RNF38: variants seen among roughly 807,000 people sequenced by gnomAD.
RNF38 encodes the protein ring finger protein 38.
RNF38 carries 15 observed loss-of-function variants against 67.2 expected under a neutral mutation model. The observed-to-expected ratio is 0.22, with a 90% CI of 0.15 to 0.34. The LOEUF is 0.34. Among genes scored for constraint, RNF38 ranks in the 10% least tolerant of loss-of-function variants. RNF38 has a pLI of 1.00. For synonymous variants in RNF38, 220 were observed against 218.8 expected (o/e 1.01, Z -0.05); for missense variants, 524 against 639.9 (o/e 0.82, Z 1.95).
intron 2 of RNF38, among the ~76,000 whole-genome samples, chr9:36,423,602 A>T (rs1838682492): frequency 1.3e-5 from 2 of 152,228 alleles, no homozygotes; most frequent in African/African-American, 4.8e-5. Context: ...CCAAACGCCC[A>T]GCTCACAGAA....
At chr9:36,477,329 A>G (rs1374294730) in intron 1 of RNF38, among the ~76,000 whole-genome samples, 1 of 151,568 alleles carries the variant, frequency 6.6e-6, no homozygotes, top group Non-Finnish European at 1.5e-5. Context: ...CTGGAAAAAA[A>G]AAAAAAAAGA....
chr9:36,386,751 G>A (rs1836668679), intron 2 of RNF38, among the ~76,000 whole-genome samples: 1 of 152,146 alleles, frequency 6.6e-6, no homozygotes, highest in South Asian at 2.1e-4. Flanking sequence ...ACTCCCACCA[G>A]CACCATGACA....
chr9:36,352,981 A>G, intron 7 of RNF38, 133 bp from the exon 8 acceptor site: 1 of 809,346 alleles, frequency 1.2e-6, no homozygotes, highest in Non-Finnish European at 2.0e-6. Flanking sequence ...TTCCTTAAAT[A>G]CTAACTTATT....
At chr9:36,414,268 A>G (rs907009984) in intron 2 of RNF38, among the ~76,000 whole-genome samples, 11 of 152,140 alleles carry the variant, frequency 7.2e-5, no homozygotes, top group African/African-American at 2.4e-4. Flanking sequence ...GTTAGCTACT[A>G]TTCTATTCAT....
chr9:36,484,879 T>C (rs1840367254), intron 1 of RNF38, among the ~76,000 whole-genome samples: 3 of 152,058 alleles, frequency 2.0e-5, no homozygotes, highest in South Asian at 2.1e-4. Flanking sequence ...TAAAAATGTA[T>C]GTATTGGCCG....
chr9:36,404,682 CTAA>C (rs1020843930), upstream of RNF38, among the ~76,000 whole-genome samples: 1 of 152,128 alleles, frequency 6.6e-6, no homozygotes, highest in Non-Finnish European at 1.5e-5. Context: ...ATTATTAATT[CTAA>C]TAGTTTATCT....
At chr9:36,487,620 TG>T, upstream of RNF38, 2 of 967,624 alleles carry the variant, frequency 2.1e-6, no homozygotes, top group Non-Finnish European at 2.4e-6. Flanking sequence ...AGGCGCTGGC[TG>T]GGCCCCGGCC....
At chr9:36,450,604 T>C (rs1316962159) in intron 1 of RNF38, among the ~76,000 whole-genome samples, 2 of 152,188 alleles carry the variant, frequency 1.3e-5, no homozygotes, top group Non-Finnish European at 2.9e-5. Context: ...ATCATCACTA[T>C]ACCTATTCAA....
At chr9:36,431,502 A>C (rs1306179796) in intron 1 of RNF38, among the ~76,000 whole-genome samples, 8 of 152,254 alleles carry the variant, frequency 5.3e-5, no homozygotes, top group Admixed American at 5.2e-4. Flanking sequence ...ATGTGGCACA[A>C]GACTGCACTT....
At chr9:36,420,624 C>T (rs1433841369) in intron 2 of RNF38, among the ~76,000 whole-genome samples, 1 of 150,764 alleles carries the variant, frequency 6.6e-6, no homozygotes, top group Non-Finnish European at 1.5e-5. Flanking sequence ...AATCAGTTAA[C>T]AATATCTTTA....
chr9:36,385,624 C>A (rs1187813991), intron 2 of RNF38, among the ~76,000 whole-genome samples: 1 of 152,092 alleles, frequency 6.6e-6, no homozygotes, highest in Non-Finnish European at 1.5e-5. Flanking sequence ...GGTGATCCAC[C>A]CGCCTCAGCC....
At chr9:36,372,400 CCCTGTTTATTCACAGTT>C in intron 3 of RNF38, 1 of 582,540 alleles carries the variant, frequency 1.7e-6, no homozygotes, top group Non-Finnish European at 3.1e-6. Flanking sequence ...AGTTTAATGG[CCCTGTTTATTCACAGTT>C]CTTTGTTTTA....
rs1377841002 is a variant in RNF38 at position 36,337,704 on chromosome 9, T to C, written c.*2048A>G. ...ATGTGATTTGTATGTAGCTGATTAT[T>C]ATGCCAAGAATTTTGGTCTTTAACA... is the stretch of plus-strand genomic sequence containing the variant. On this transcript the variant is annotated 3_prime_UTR_variant, in exon 12 of 12. Coordinates refer to ENST00000259605, the MANE Select transcript of RNF38 (RefSeq NM_022781.5). 2 of 152,638 alleles carry C rather than the reference T, an allele frequency of 1.3e-5. No individual in the cohort carries two copies. The highest frequency in any genetic ancestry group is 4.8e-5 in the African/African-American group (2 of 41,452). 9.5% of individuals were successfully genotyped at this position (152,638 alleles called of 1,614,324 possible). A position where few individuals can be genotyped will look rare whatever the true frequency, so the allele number is the denominator to read the frequency against.
At chr9:36,428,467 A>G (rs1037626662) in intron 1 of RNF38, among the ~76,000 whole-genome samples, 1 of 151,476 alleles carries the variant, frequency 6.6e-6, no homozygotes, top group Admixed American at 6.6e-5. Flanking sequence ...ATATATATAT[A>G]TATATATACA....
chr9:36,479,989 A>AC (rs991989002), intron 1 of RNF38, among the ~76,000 whole-genome samples: 3 of 151,632 alleles, frequency 2.0e-5, no homozygotes, highest in Non-Finnish European at 4.4e-5. Context: ...TTATTTTTTT[A>AC]TTTTTTTGAG....
intron 1 of RNF38, among the ~76,000 whole-genome samples, chr9:36,481,799 C>G (rs756448264): frequency 3.3e-5 from 5 of 152,132 alleles, no homozygotes; most frequent in East Asian, 1.9e-4. Flanking sequence ...TGTACTCCCC[C>G]CTCCTCTCTC....
chr9:36,364,883 T>C (rs1201153123), intron 4 of RNF38, among the ~76,000 whole-genome samples: 1 of 152,212 alleles, frequency 6.6e-6, no homozygotes, highest in Admixed American at 6.5e-5. Flanking sequence ...CTGATTCAGC[T>C]AATACTCTTG....
chr9:36,358,014 T>G, intron 4 of RNF38, 72 bp from the exon 5 acceptor site: 1 of 1,294,460 alleles, frequency 7.7e-7, no homozygotes, highest in Non-Finnish European at 1.1e-6. Context: ...AATCAACATT[T>G]GGTCATTTAT....
intron 2 of RNF38, among the ~76,000 whole-genome samples, chr9:36,421,307 G>A (rs1838619665): frequency 6.6e-6 from 1 of 152,154 alleles, no homozygotes; most frequent in Admixed American, 6.5e-5. Context: ...CTAGCACTGT[G>A]GGTTACCCCT....
Sources: gnomAD v4.1 joint callset for allele counts (sites outside exome capture counted in the v4.1 genomes callset) on GRCh38, gnomAD v4.1.1 for gene constraint, MANE v1.5 for transcripts, NCBI Gene and HGNC (gene_info 2026-07-23, HGNC 2026-07-21) for gene names.